Variants in CDH13 observed in about 807,000 individuals in gnomAD.
CDH13 encodes the protein cadherin-13.
In CDH13, 24 loss-of-function variants were observed where a neutral mutation model predicts 63.8. The ratio of observed to expected loss-of-function variants is 0.38; its 90% CI spans 0.27 to 0.53. The LOEUF (loss-of-function observed/expected upper bound fraction) is 0.53. Ranked by LOEUF, CDH13 falls within the 20% of genes least tolerant of loss-of-function variation. CDH13 has a pLI of 0.85. For synonymous variants in CDH13, 503 were observed against 355.3 expected (o/e 1.42, Z -4.67); for missense variants, 1,049 against 903.1 (o/e 1.16, Z -2.07).
intron 3 of CDH13, among the ~76,000 whole-genome samples, chr16:83,120,451 C>T (rs144837099): frequency 1.3e-5 from 2 of 152,270 alleles, no homozygotes; most frequent in South Asian, 2.1e-4. Context: ...ATTGATGACA[C>T]GGTGTGCTTT....
At chr16:82,839,668 C>T (rs2038925890) in intron 1 of CDH13, among the ~76,000 whole-genome samples, 1 of 152,188 alleles carries the variant, frequency 6.6e-6, no homozygotes, top group East Asian at 1.9e-4. Flanking sequence ...TGGCCATCGC[C>T]ATGTGCACCT....
intron 1 of CDH13, among the ~76,000 whole-genome samples, chr16:82,712,874 G>A (rs1461188721): frequency 1.3e-5 from 2 of 151,912 alleles, no homozygotes; most frequent in Non-Finnish European, 2.9e-5. Flanking sequence ...CGCTCTCTGG[G>A]GGCCACTCTC....
Position 83,514,362 on chromosome 16 carries a change from G to A in CDH13, c.960+27707G>A, listed in dbSNP as rs1488374167. On this transcript the variant is annotated intron_variant, in intron 7 of 13. Transcript: ENST00000567109. ...TGGAGTATCCTCATAAGAAGAGGAG[G>A]GCCGGGTTCGGTGGCTCATGCCTGT... Among the ~76,000 whole-genome samples the A allele has an allele frequency of 2.6e-5, 4 of 152,158 alleles. No individual in the cohort carries two copies. In the East Asian group the frequency reaches 7.7e-4, roughly 29 times the overall value.
intron 7 of CDH13, among the ~76,000 whole-genome samples, chr16:83,499,426 T>C (rs2074220248): frequency 6.6e-6 from 1 of 152,216 alleles, no homozygotes. Flanking sequence ...CAGATCTGGG[T>C]TGCTTGAGTC....
At chr16:82,966,663 A>G (rs545736001) in intron 2 of CDH13, among the ~76,000 whole-genome samples, 1 of 152,302 alleles carries the variant, frequency 6.6e-6, no homozygotes, top group South Asian at 2.1e-4. Context: ...GAAAGTTGCA[A>G]AAAGAATGTA....
chr16:83,057,332 G>C (rs1293699555), intron 3 of CDH13, among the ~76,000 whole-genome samples: 1 of 152,092 alleles, frequency 6.6e-6, no homozygotes, highest in Non-Finnish European at 1.5e-5. Flanking sequence ...AAAAGGTGAT[G>C]ACTGGAAGGG....
intron 4 of CDH13, among the ~76,000 whole-genome samples, chr16:83,149,590 T>C (rs12597311): frequency 0.077 from 11,756 of 152,222 alleles, 645 homozygotes; most frequent in East Asian, 0.18. Context: ...ACTGAAATTA[T>C]TATAATATTT....
At chr16:83,031,876 G>A (rs1471589619) in intron 2 of CDH13, 134 bp from the exon 3 acceptor site, 2 of 691,190 alleles carry the variant, frequency 2.9e-6, no homozygotes, top group South Asian at 1.9e-5. Context: ...ATCTTGCTGT[G>A]GGATAAAACG....
chr16:83,686,603 G>C lies in CDH13; in HGVS notation c.1538+8142G>C, dbSNP rs539980662. 6.6e-5 allele frequency among the ~76,000 whole-genome samples: 10 copies of C among 152,278 alleles called. 1 individual carries two copies. In the Middle Eastern group the frequency reaches 0.014, roughly 207 times the overall value. ...TAGCTCTCACCTTGCAAGAACGGTGGATAAATTATAAGTGATTATTAGCAG... is the reference window on the plus strand; with the variant it reads ...TAGCTCTCACCTTGCAAGAACGGTGCATAAATTATAAGTGATTATTAGCAG... On this transcript the variant is annotated intron_variant, in intron 10 of 13. Coordinates refer to ENST00000567109, the MANE Select transcript of CDH13 (RefSeq NM_001257.5).
intron 2 of CDH13, among the ~76,000 whole-genome samples, chr16:83,019,073 T>C (rs1029720079): frequency 2.6e-5 from 4 of 152,222 alleles, no homozygotes; most frequent in Non-Finnish European, 2.9e-5. Flanking sequence ...GAAAAAGCTT[T>C]CTTTCTTCAA....
At chr16:82,752,343 T>G (rs2034451231) in intron 1 of CDH13, among the ~76,000 whole-genome samples, 1 of 152,114 alleles carries the variant, frequency 6.6e-6, no homozygotes, top group Non-Finnish European at 1.5e-5. Context: ...AAGGAATCTT[T>G]CCCTGGTTCA....
intron 1 of CDH13, among the ~76,000 whole-genome samples, chr16:82,635,170 T>C (rs1025113574): frequency 2.0e-4 from 31 of 152,360 alleles, no homozygotes; most frequent in African/African-American, 7.2e-4. Context: ...TTTGTTCATT[T>C]CTATACTCCC....
chr16:83,779,976 C>G lies in CDH13; in HGVS notation c.1690C>G (p.Pro564Ala), dbSNP rs1458792959. ...TTCCCTTTTTCCCACAGGCAACCCT[C>G]CCGCTACGGGCACTGGGACTTTGCT... is the stretch of plus-strand genomic sequence containing the variant. ...LFLAIDSGNP[P>A]ATGTGTLLIT... Residue 564 changes from proline (P) to alanine (A), a missense_variant, in exon 12 of 14, where the codon CCC (proline) becomes GCC (alanine). Physicochemically the swap from Pro to Ala is conservative, Grantham distance 27. Coordinates refer to ENST00000567109, the MANE Select transcript of CDH13 (RefSeq NM_001257.5). The G allele has an allele frequency of 2.5e-6, 4 of 1,607,790 alleles. No homozygotes were observed. The highest frequency in any genetic ancestry group is 1.7e-4 in the Middle Eastern group (1 of 6,046).
intron 3 of CDH13, among the ~76,000 whole-genome samples, chr16:83,115,716 C>G (rs1422826279): frequency 2.0e-5 from 3 of 152,218 alleles, no homozygotes; most frequent in Non-Finnish European, 2.9e-5. Flanking sequence ...AATGCTTTGC[C>G]TTGCTAAAAA....
Position 83,036,815 on chromosome 16 carries a change from G to T in CDH13, c.366+4597G>T, listed in dbSNP as rs554319937. On this transcript the variant is annotated intron_variant, in intron 3 of 13. Transcript: ENST00000567109. ...AGGCAGGAAATCTGCAGTTCCCGGA[G>T]ATGATTTGGCTCCACCTCAAGGATT... Among the ~76,000 whole-genome samples the T allele has an allele frequency of 2.0e-3, 306 of 152,274 alleles. 1 individual carries two copies. Among genetic ancestry groups the T allele is most frequent in the Middle Eastern group, 0.017 (5 of 294 alleles).
chr16:82,821,258 A>C (rs2037989587), intron 1 of CDH13, among the ~76,000 whole-genome samples: 1 of 152,132 alleles, frequency 6.6e-6, no homozygotes, highest in African/African-American at 2.4e-5. Context: ...CTGAGGGGGA[A>C]TTTGGAACAT....
At chr16:83,317,164 C>G (rs2151891169) in intron 5 of CDH13, among the ~76,000 whole-genome samples, 1 of 152,248 alleles carries the variant, frequency 6.6e-6, no homozygotes, top group East Asian at 1.9e-4. Context: ...TTATCTGGTC[C>G]CAAATGTCAG....
At chr16:83,319,505 G>A (rs565873551) in intron 5 of CDH13, among the ~76,000 whole-genome samples, 5 of 152,156 alleles carry the variant, frequency 3.3e-5, no homozygotes, top group South Asian at 2.1e-4. Flanking sequence ...AAAACAGGCC[G>A]AATTGAATAT....
At chr16:83,217,266 G>C in intron 4 of CDH13, 79 bp from the exon 5 acceptor site, 1 of 1,442,898 alleles carries the variant, frequency 6.9e-7, no homozygotes, top group Non-Finnish European at 9.7e-7. Flanking sequence ...TTAGTGAATT[G>C]CTCATGGGAG....
Sources: allele counts gnomAD v4.1 joint callset (sites outside exome capture counted in the v4.1 genomes callset), GRCh38; gene constraint gnomAD v4.1.1; transcripts MANE v1.5; gene names NCBI Gene and HGNC (gene_info 2026-07-23, HGNC 2026-07-21).